Variants in STX12 observed in about 807,000 individuals in gnomAD.
The protein encoded by STX12 is syntaxin 12, also known as syntaxin-12.
STX12 carries 17 observed loss-of-function variants against 42.2 expected under a neutral mutation model. The ratio of observed to expected loss-of-function variants is 0.40; its 90% CI spans 0.28 to 0.60. The LOEUF is 0.60. Among genes scored for constraint, STX12 ranks in the 20% least tolerant of loss-of-function variants. The probability of loss-of-function intolerance (pLI) is 0.39; values close to 1 mark genes in which losing one functional copy is unlikely to be tolerated. For missense variants in STX12, 297 were observed against 330.9 expected, an observed-to-expected ratio of 0.90 and a Z score of 0.79; for synonymous variants, 108 against 116.7, an observed-to-expected ratio of 0.93 and a Z score of 0.48.
chr1:27,802,192 C>T (rs1447376900), intron 4 of STX12, among the ~76,000 whole-genome samples: 1 of 152,130 alleles, frequency 6.6e-6, no homozygotes, highest in Non-Finnish European at 1.5e-5. Flanking sequence ...AATCCAACTT[C>T]TCAAAAGTAT....
chr1:27,796,775 G>A (rs563008205), intron 3 of STX12, among the ~76,000 whole-genome samples: 2 of 150,292 alleles, frequency 1.3e-5, no homozygotes, highest in African/African-American at 2.4e-5. Flanking sequence ...GTGCAATCTC[G>A]GCTCACCACA....
At chr1:27,777,852 A>C (rs1026840103) in intron 1 of STX12, among the ~76,000 whole-genome samples, 5 of 152,054 alleles carry the variant, frequency 3.3e-5, no homozygotes, top group African/African-American at 1.2e-4. Context: ...GCGCCACTGC[A>C]CTCTGGCCTG....
intron 1 of STX12, among the ~76,000 whole-genome samples, chr1:27,784,062 C>G (rs2088685319): frequency 6.6e-6 from 1 of 152,036 alleles, no homozygotes; most frequent in Admixed American, 6.6e-5. Flanking sequence ...TGCCTATAAT[C>G]TCAGCTACTC....
intron 4 of STX12, among the ~76,000 whole-genome samples, chr1:27,802,453 C>A (rs1219122312): frequency 6.6e-6 from 1 of 152,156 alleles, no homozygotes; most frequent in Non-Finnish European, 1.5e-5. Context: ...GCTCTTCTAT[C>A]CCCCGGCAGA....
intron 3 of STX12, among the ~76,000 whole-genome samples, chr1:27,799,832 A>G (rs1418850362): frequency 6.6e-6 from 1 of 152,128 alleles, no homozygotes; most frequent in Non-Finnish European, 1.5e-5. Flanking sequence ...AGCTCACTGC[A>G]ACCTCCACCT....
chr1:27,819,632 C>G lies in STX12; in HGVS notation c.650-18C>G, dbSNP rs2088971036. The G allele has an allele frequency of 6.2e-7, 1 of 1,611,218 alleles. No individual in the cohort carries two copies. Among genetic ancestry groups the G allele is most frequent in the South Asian group, 1.1e-5 (1 of 90,856 alleles). ...ACATCTGAGTGTGTTAAAACATCCTCTGTCCTTCCTTTTGCAGATAGCATA... is the reference window on the plus strand; with the variant it reads ...ACATCTGAGTGTGTTAAAACATCCTGTGTCCTTCCTTTTGCAGATAGCATA... On this transcript the variant is annotated intron_variant, in intron 7 of 8. Transcript: ENST00000373943.
intron 3 of STX12, 113 bp from the exon 4 acceptor site, chr1:27,801,565 A>G: frequency 8.8e-7 from 1 of 1,134,968 alleles, no homozygotes. Context: ...CTATTTCATA[A>G]TAATTTTCCT....
chr1:27,778,073 A>C (rs1018619894), intron 1 of STX12, among the ~76,000 whole-genome samples: 1 of 152,124 alleles, frequency 6.6e-6, no homozygotes, highest in Non-Finnish European at 1.5e-5. Context: ...CATATATATT[A>C]CCCACACACC....
chr1:27,804,703 C>T (rs948660719), intron 4 of STX12, among the ~76,000 whole-genome samples: 3 of 150,242 alleles, frequency 2.0e-5, no homozygotes, highest in Non-Finnish European at 3.0e-5. Flanking sequence ...CCCAGCTACT[C>T]AGGACGCTGA....
intron 3 of STX12, among the ~76,000 whole-genome samples, chr1:27,795,762 A>G (rs1357973738): frequency 6.6e-6 from 1 of 152,208 alleles, no homozygotes; most frequent in African/African-American, 2.4e-5. Flanking sequence ...GCTACAAAGT[A>G]GTTACCCTTT....
chr1:27,808,959 A>G (rs1330273489), intron 4 of STX12, among the ~76,000 whole-genome samples: 1 of 152,254 alleles, frequency 6.6e-6, no homozygotes, highest in African/African-American at 2.4e-5. Flanking sequence ...TAAGAATTAA[A>G]CAAAATAATA....
chr1:27,811,870 C>A (rs975121731), intron 5 of STX12: 6 of 450,916 alleles, frequency 1.3e-5, no homozygotes, highest in African/African-American at 1.2e-4. Context: ...GTCTGGCAAG[C>A]CCCAGTGAGA....
chr1:27,802,993 C>A (rs930086002), intron 4 of STX12, among the ~76,000 whole-genome samples: 1 of 151,864 alleles, frequency 6.6e-6, no homozygotes, highest in Non-Finnish European at 1.5e-5. Flanking sequence ...GGTGGTTTAA[C>A]TAAAAAATTG....
chr1:27,808,779 A>G (rs2088882002), intron 4 of STX12, among the ~76,000 whole-genome samples: 1 of 152,226 alleles, frequency 6.6e-6, no homozygotes, highest in Non-Finnish European at 1.5e-5. Context: ...TTCGATTGCT[A>G]GTCTTTCACC....
chr1:27,788,977 C>T (rs1364469526), intron 1 of STX12, among the ~76,000 whole-genome samples: 1 of 151,734 alleles, frequency 6.6e-6, no homozygotes, highest in African/African-American at 2.4e-5. Flanking sequence ...TGCCACTGCA[C>T]TCCAGCCTGG....
intron 3 of STX12, among the ~76,000 whole-genome samples, chr1:27,796,944 A>G (rs1341238806): frequency 6.6e-6 from 1 of 151,982 alleles, no homozygotes; most frequent in Non-Finnish European, 1.5e-5. Context: ...ACCTCAGGTG[A>G]TCTGCCAGCC....
At position 27,822,421 on chromosome 1, in the gene STX12, A is replaced by G; in HGVS notation, c.*92A>G. On this transcript the variant is annotated 3_prime_UTR_variant, in exon 9 of 9. Transcript: ENST00000373943. ...CAAACTGATCACAAGAAGACAGCAT[A>G]TATCAGAACGTCCTGTAATCATTTA... 2.5e-6 allele frequency: 2 copies of G among 812,332 alleles called. No individual in the cohort carries two copies. 50.3% of individuals were successfully genotyped at this position (812,332 alleles called of 1,614,324 possible).
In STX12 at chr1:27,799,477, G is replaced by GTTTT. The variant is rs200472226; in HGVS notation, c.289-2193_289-2190dup. ...GGTTGAACCCCAAACTCATTAGCTTGTTTTTTTTTTTGTTTTTTTTTTTGA... is the reference window on the plus strand; with the variant it reads ...GGTTGAACCCCAAACTCATTAGCTTGTTTTTTTTTTTTTTTGTTTTTTTTTTTGA... On this transcript the variant is annotated intron_variant, in intron 3 of 8. Coordinates refer to ENST00000373943, the MANE Select transcript of STX12 (RefSeq NM_177424.3). Among the ~76,000 whole-genome samples, 546 of 130,616 alleles carry GTTTT rather than the reference G, an allele frequency of 4.2e-3. 71 individuals carry two copies. The highest frequency in any genetic ancestry group is 0.016 in the African/African-American group (511 of 31,150). 85.7% of individuals were successfully genotyped at this position (130,616 alleles called of 152,430 possible).
chr1:27,809,136 G>T (rs1332599149), intron 4 of STX12, among the ~76,000 whole-genome samples: 1 of 151,968 alleles, frequency 6.6e-6, no homozygotes, highest in East Asian at 1.9e-4. Flanking sequence ...GAGTTTGAGA[G>T]CAGCCTGGCC....
Sources: gnomAD v4.1 joint callset for allele counts (sites outside exome capture counted in the v4.1 genomes callset) on GRCh38, gnomAD v4.1.1 for gene constraint, MANE v1.5 for transcripts, NCBI Gene and HGNC (gene_info 2026-07-23, HGNC 2026-07-21) for gene names.